The following MYO5C variants were observed in gnomAD, a reference collection of about 807,000 sequenced individuals.
MYO5C encodes the protein unconventional myosin-Vc.
Under a neutral mutation model 235.7 loss-of-function variants are expected in MYO5C, and 194 were observed. The ratio of observed to expected loss-of-function variants is 0.82; its 90% CI spans 0.73 to 0.93. The LOEUF (loss-of-function observed/expected upper bound fraction) is 0.93. Ranked by LOEUF, MYO5C falls within the 40% of genes least tolerant of loss-of-function variation. MYO5C has a pLI of 0.00. For missense variants in MYO5C, 2,038 were observed against 2,127.2 expected (o/e 0.96, Z 0.82); for synonymous variants, 707 against 754.8 (o/e 0.94, Z 1.04).
intron 38 of MYO5C, among the ~76,000 whole-genome samples, chr15:52,201,319 T>C (rs539589518): frequency 3.6e-3 from 542 of 152,260 alleles, no homozygotes; most frequent in Non-Finnish European, 5.7e-3. Flanking sequence ...GGGGAATAAT[T>C]CAAATGACTA....
At chr15:52,216,425 G>A (rs1196771399) in intron 32 of MYO5C, among the ~76,000 whole-genome samples, 1 of 152,028 alleles carries the variant, frequency 6.6e-6, no homozygotes, top group Non-Finnish European at 1.5e-5. Context: ...ACGTTGCCCT[G>A]GCTGGTTGAA....
chr15:52,290,821 C>A (rs185841029), intron 1 of MYO5C, among the ~76,000 whole-genome samples: 7 of 152,078 alleles, frequency 4.6e-5, no homozygotes, highest in Non-Finnish European at 7.4e-5. Context: ...GGGCACTAAA[C>A]AAAACAGAAA....
intron 13 of MYO5C, among the ~76,000 whole-genome samples, chr15:52,249,525 C>T (rs1251541674): frequency 2.0e-5 from 3 of 152,120 alleles, no homozygotes; most frequent in Non-Finnish European, 4.4e-5. Flanking sequence ...TGCTGGAATC[C>T]GTAAGCAGAG....
In MYO5C at chr15:52,260,852, A is replaced by G. The variant is rs757441164; in HGVS notation, c.1313+10T>C. ...AGGAGGAAAGACAGGCTCACTGAAG[A>G]GAATCTTACCCATAAATGTCCAAAA... On this transcript the variant is annotated intron_variant, in intron 10 of 40. Coordinates refer to ENST00000261839, the MANE Select transcript of MYO5C (RefSeq NM_018728.4). 5 of 1,612,898 alleles carry G rather than the reference A, an allele frequency of 3.1e-6. No homozygotes were observed. The highest frequency in any genetic ancestry group is 1.7e-4 in the Middle Eastern group (1 of 6,058).
chr15:52,199,377 G>A (rs2035131677), intron 38 of MYO5C, among the ~76,000 whole-genome samples: 1 of 152,162 alleles, frequency 6.6e-6, no homozygotes, highest in South Asian at 2.1e-4. Flanking sequence ...ACTCCATCTT[G>A]TCTGTCCCAC....
intron 39 of MYO5C, among the ~76,000 whole-genome samples, chr15:52,196,000 A>G (rs2035042265): frequency 3.6e-5 from 3 of 83,478 alleles, no homozygotes; most frequent in East Asian, 7.4e-4. Context: ...TTTTTGGTAG[A>G]GCGTCTTGTT....
At chr15:52,241,848 G>A (rs1176542612) in intron 20 of MYO5C, among the ~76,000 whole-genome samples, 200 bp downstream of exon 20, 1 of 152,060 alleles carries the variant, frequency 6.6e-6, no homozygotes, top group Non-Finnish European at 1.5e-5. Flanking sequence ...TGGGCTCAAG[G>A]AACCCTCCCA....
At chr15:52,250,186 A>G (rs963951593) in intron 13 of MYO5C, among the ~76,000 whole-genome samples, 2 of 152,034 alleles carry the variant, frequency 1.3e-5, no homozygotes, top group Admixed American at 6.6e-5. Flanking sequence ...GCATCTTTTC[A>G]GGAGCCCATC....
At chr15:52,215,273 G>T (rs1263749345) in intron 32 of MYO5C, among the ~76,000 whole-genome samples, 1 of 152,198 alleles carries the variant, frequency 6.6e-6, no homozygotes, top group Non-Finnish European at 1.5e-5. Flanking sequence ...AGAGATTTGG[G>T]CCTGGTTTTG....
At chr15:52,220,593 T>C (rs28454152) in intron 30 of MYO5C, among the ~76,000 whole-genome samples, 23,907 of 151,232 alleles carry the variant, frequency 0.16, 2,090 homozygotes, top group South Asian at 0.22. Flanking sequence ...CCAAGGTAGG[T>C]GGATCACCTG....
intron 1 of MYO5C, among the ~76,000 whole-genome samples, chr15:52,292,942 G>A (rs903853090): frequency 6.6e-6 from 1 of 152,238 alleles, no homozygotes; most frequent in Non-Finnish European, 1.5e-5. Flanking sequence ...CAGAGCATGA[G>A]CCAGGTAAGA....
chr15:52,281,585 A>C (rs1189599809), intron 2 of MYO5C, among the ~76,000 whole-genome samples: 1 of 152,208 alleles, frequency 6.6e-6, no homozygotes, highest in African/African-American at 2.4e-5. Flanking sequence ...CTGCCTTCAA[A>C]CATGCACACA....
Position 52,247,728 on chromosome 15 carries a change from A to G in MYO5C, c.1747-136T>C, listed in dbSNP as rs548978165. 1.2e-4 allele frequency: 106 copies of G among 891,086 alleles called. No homozygotes were observed. The East Asian group carries it at 2.3e-3, about 19-fold the overall frequency. 55.2% of individuals were successfully genotyped at this position (891,086 alleles called of 1,614,324 possible). ...CAACCTCACCAACATCTACAGCCAA[A>G]TCTCAATTCCACAAGACGATCGTCT... On this transcript the variant is annotated intron_variant, in intron 14 of 40. Coordinates refer to ENST00000261839, the MANE Select transcript of MYO5C (RefSeq NM_018728.4).
chr15:52,224,870 A>G, intron 28 of MYO5C, 31 bp downstream of exon 28: 1 of 1,575,800 alleles, frequency 6.3e-7, no homozygotes, highest in Non-Finnish European at 8.7e-7. Context: ...TCTCTGAAAA[A>G]TAAAGAAGAT....
At chr15:52,218,786 C>T in intron 31 of MYO5C, 99 bp from the exon 32 acceptor site, 1 of 1,258,794 alleles carries the variant, frequency 7.9e-7, no homozygotes, top group South Asian at 1.4e-5. Flanking sequence ...GATGGAAGAA[C>T]ACCTTGGCCA....
Position 52,204,391 on chromosome 15 carries a change from T to C in MYO5C, c.4820+474A>G, listed in dbSNP as rs537310582. Among the ~76,000 whole-genome samples the C allele has an allele frequency of 7.2e-5, 11 of 152,146 alleles. No homozygotes were observed. In the South Asian group the frequency reaches 1.7e-3, roughly 23 times the overall value. Reference sequence around the variant, plus strand: ...CACAACTCTCTGGCTTCCCCAACTGTTCCGTCTGCAATGTCTCTCCTCTCT... The same window carrying C: ...CACAACTCTCTGGCTTCCCCAACTGCTCCGTCTGCAATGTCTCTCCTCTCT... On this transcript the variant is annotated intron_variant, in intron 38 of 40. Transcript: ENST00000261839.
chr15:52,247,328 C>T lies in MYO5C; in HGVS notation c.1881+130G>A. ...GACGATGAACTTTTTGCAGTGGAGT[C>T]CATGTTAGATTGGAAGAGCCCCAGC... On this transcript the variant is annotated intron_variant, in intron 15 of 40. Coordinates refer to ENST00000261839, the MANE Select transcript of MYO5C (RefSeq NM_018728.4). 3.6e-6 allele frequency: 4 copies of T among 1,102,518 alleles called. No individual in the cohort carries two copies. The South Asian group carries it at 4.5e-5, about 13-fold the overall frequency. The allele number at this position is 1,102,518 out of a possible 1,614,324, so 68.3% of individuals were successfully genotyped here.
intron 24 of MYO5C, among the ~76,000 whole-genome samples, chr15:52,231,628 T>G (rs917202662): frequency 4.6e-5 from 7 of 152,234 alleles, no homozygotes; most frequent in African/African-American, 1.7e-4. Flanking sequence ...CCTCCTCTCT[T>G]TAGAATCCTG....
intron 1 of MYO5C, among the ~76,000 whole-genome samples, chr15:52,290,880 CTG>C (rs2037374591): frequency 1.3e-5 from 2 of 152,190 alleles, no homozygotes; most frequent in South Asian, 4.2e-4. Context: ...AAAAAATCAA[CTG>C]TATTATAATA....
Sources: gnomAD v4.1 joint callset for allele counts (sites outside exome capture counted in the v4.1 genomes callset) on GRCh38, gnomAD v4.1.1 for gene constraint, MANE v1.5 for transcripts, NCBI Gene and HGNC (gene_info 2026-07-23, HGNC 2026-07-21) for gene names.